PLB1: variants seen among roughly 807,000 people sequenced by gnomAD.
PLB1 encodes phospholipase B1, membrane-associated.
PLB1 carries 242 observed loss-of-function variants against 227.4 expected under a neutral mutation model. The observed-to-expected ratio is 1.06, with a 90% CI of 0.96 to 1.18. PLB1 has a LOEUF of 1.18. Among genes scored for constraint, PLB1 ranks in the 50% most tolerant of loss-of-function variants. The pLI is 0.00. For synonymous variants in PLB1, 757 were observed against 682.2 expected, an observed-to-expected ratio of 1.11 and a Z score of -1.71; for missense variants, 1,858 against 1,816.3, an observed-to-expected ratio of 1.02 and a Z score of -0.42.
intron 43 of PLB1, among the ~76,000 whole-genome samples, chr2:28,607,598 C>G (rs766563120): frequency 1.3e-5 from 2 of 152,108 alleles, no homozygotes; most frequent in Non-Finnish European, 2.9e-5. Context: ...GATTCTGCAA[C>G]AGCTAGTGCA....
chr2:28,605,360 GCAGCTCTATGCA>G (rs1474500912), intron 41 of PLB1, among the ~76,000 whole-genome samples: 1 of 152,116 alleles, frequency 6.6e-6, no homozygotes, highest in Non-Finnish European at 1.5e-5. Context: ...AGGAAGGAGA[GCAGCTCTATGCA>G]CCCCCAGCAC....
chr2:28,536,792 A>G (rs13420957), intron 9 of PLB1, among the ~76,000 whole-genome samples: 79,974 of 151,968 alleles, frequency 0.53, 21,408 homozygotes, highest in East Asian at 0.77. Context: ...AATGTCTTTT[A>G]CTGAGAAATG....
intron 35 of PLB1, among the ~76,000 whole-genome samples, chr2:28,600,271 A>G (rs1683658498): frequency 6.6e-6 from 1 of 152,186 alleles, no homozygotes; most frequent in Non-Finnish European, 1.5e-5. Flanking sequence ...CCTCTTTTTG[A>G]AAGAACCATT....
At chr2:28,592,124 G>T (rs976357145) in intron 31 of PLB1, among the ~76,000 whole-genome samples, 4 of 152,192 alleles carry the variant, frequency 2.6e-5, no homozygotes, top group Non-Finnish European at 5.9e-5. Flanking sequence ...GCCGCCTACA[G>T]TAGGGCCTGG....
rs1553462904 is a variant in PLB1 at position 28,626,462 on chromosome 2, C to T, written c.3614C>T (p.Thr1205Ile). Residue 1205 changes from threonine (T) to isoleucine (I), a missense_variant, in exon 51 of 58, where the codon ACA becomes ATA. Physicochemically the swap from Thr to Ile is moderately conservative, Grantham distance 89. Coordinates refer to ENST00000327757, the MANE Select transcript of PLB1 (RefSeq NM_153021.5). ...INLEKDWKLV[T>I]LFIGVNDLCH... Reference sequence around the variant, plus strand: ...CTGGAGAAAGACTGGAAGCTGGTCACACTCTTCATTGGGGTCAACGACTTG... The same window carrying T: ...CTGGAGAAAGACTGGAAGCTGGTCATACTCTTCATTGGGGTCAACGACTTG... 2 of 1,614,212 alleles carry T rather than the reference C, an allele frequency of 1.2e-6. No individual in the cohort carries two copies. Among genetic ancestry groups the T allele is most frequent in the Non-Finnish European group, 1.7e-6 (2 of 1,180,036 alleles).
At chr2:28,504,754 C>CAAT (rs1667466920) in intron 1 of PLB1, among the ~76,000 whole-genome samples, 1 of 149,200 alleles carries the variant, frequency 6.7e-6, no homozygotes, top group Non-Finnish European at 1.5e-5. Flanking sequence ...AAAAACAAAA[C>CAAT]AACAACAACA....
chr2:28,567,142 G>A (rs967169250), intron 20 of PLB1, among the ~76,000 whole-genome samples: 3 of 152,188 alleles, frequency 2.0e-5, no homozygotes, highest in Admixed American at 6.5e-5. Flanking sequence ...ACCTCTTAGG[G>A]CAAGTCATTA....
chr2:28,577,384 C>T (rs1458131365), intron 21 of PLB1, among the ~76,000 whole-genome samples: 1 of 152,214 alleles, frequency 6.6e-6, no homozygotes, highest in East Asian at 1.9e-4. Context: ...TACTAGACTA[C>T]ATCATCTTAA....
At chr2:28,522,743 CCAT>C (rs1421572300) in intron 4 of PLB1, among the ~76,000 whole-genome samples, 2 of 152,210 alleles carry the variant, frequency 1.3e-5, no homozygotes, top group African/African-American at 4.8e-5. Context: ...GAACACGACT[CCAT>C]CAGGATGACC....
chr2:28,547,551 G>A (rs1256701769), intron 14 of PLB1, among the ~76,000 whole-genome samples: 4 of 152,216 alleles, frequency 2.6e-5, no homozygotes, highest in African/African-American at 9.7e-5. Flanking sequence ...GCTGGGGTAA[G>A]ATACCGCTGA....
Position 28,546,088 on chromosome 2 carries a change from G to A in PLB1, c.937-2772G>A, listed in dbSNP as rs145176942. On this transcript the variant is annotated intron_variant, in intron 14 of 57. Transcript: ENST00000327757. ...CCACCCATCAGCATGGGAGGTGACA[G>A]CAGCCCCATCTAAACATGCCTGGAA... Among the ~76,000 whole-genome samples, 37 of 152,236 alleles carry A rather than the reference G, an allele frequency of 2.4e-4. 1 individual carries two copies. The highest frequency in any genetic ancestry group is 2.3e-3 in the Admixed American group (35 of 15,292).
chr2:28,557,259 A>G (rs548320006), intron 17 of PLB1, among the ~76,000 whole-genome samples: 142 of 152,238 alleles, frequency 9.3e-4, no homozygotes, highest in African/African-American at 3.3e-3. Flanking sequence ...TTAGCCTTTA[A>G]TTCCAGTTAA....
At chr2:28,587,385 G>A (rs1350231239) in intron 26 of PLB1, among the ~76,000 whole-genome samples, 1 of 152,162 alleles carries the variant, frequency 6.6e-6, no homozygotes, top group African/African-American at 2.4e-5. Flanking sequence ...GGAGACCAAG[G>A]CGGGAGGATC....
At position 28,642,880 on chromosome 2, in the gene PLB1, T is replaced by C; in HGVS notation, c.4196T>C (p.Leu1399Pro). The C allele has an allele frequency of 6.2e-7, 1 of 1,604,534 alleles. No homozygotes were observed. The highest frequency in any genetic ancestry group is 8.5e-7 in the Non-Finnish European group (1 of 1,175,274). ...PSPESPYLYTLRNSRLLPDQA... is the reference protein window; with the variant it reads ...PSPESPYLYTPRNSRLLPDQA... ...CAGGAGAGCCCTTACCTCTACACCC[T>C]GCGGAACAGCCGATTGCTCCCAGAC... Residue 1399 changes from leucine to proline, a missense_variant, in exon 58 of 58, where the codon CTG becomes CCG. Physicochemically the swap from Leu to Pro is moderately conservative, Grantham distance 98 (BLOSUM62 -3). Transcript: ENST00000327757.
rs1680772394 is a variant in PLB1, at chr2:28,585,594, T to G, written c.1734-167T>G. The G allele has an allele frequency of 2.3e-5, 14 of 609,766 alleles. No homozygotes were observed. The South Asian group carries it at 2.8e-4, about 12-fold the overall frequency. The allele number at this position is 609,766 out of a possible 1,614,324, so 37.8% of individuals were successfully genotyped here. A position where few individuals can be genotyped will look rare whatever the true frequency, so the allele number is the denominator to read the frequency against. On this transcript the variant is annotated intron_variant, in intron 25 of 57. Transcript: ENST00000327757. The stretch of plus-strand genomic sequence containing the variant: ...GCCTGGCCTGGAAATCTTCTTTAGC[T>G]TCGTTTGGTATGGTCAGCAGGTCAG...
At chr2:28,563,162 G>A (rs1256513067) in intron 18 of PLB1, 63 bp downstream of exon 18, 57 of 1,514,160 alleles carry the variant, frequency 3.8e-5, no homozygotes, top group Non-Finnish European at 4.9e-5. Context: ...TGAGAACCTG[G>A]AGAGGAAAAT....
intron 32 of PLB1, among the ~76,000 whole-genome samples, chr2:28,593,178 TC>T (rs1404762139): frequency 1.3e-5 from 2 of 152,088 alleles, no homozygotes; most frequent in Non-Finnish European, 2.9e-5. Flanking sequence ...TATTTTACTA[TC>T]CCAGATCATC....
chr2:28,499,141 A>C (rs1351873143), intron 1 of PLB1, among the ~76,000 whole-genome samples: 1 of 152,164 alleles, frequency 6.6e-6, no homozygotes, highest in Non-Finnish European at 1.5e-5. Flanking sequence ...AATAAAGTGA[A>C]TTTTGTGTTG....
intron 1 of PLB1, among the ~76,000 whole-genome samples, chr2:28,502,334 T>TCATA (rs1272143355): frequency 2.6e-4 from 39 of 152,160 alleles, no homozygotes; most frequent in Admixed American, 2.6e-3. Flanking sequence ...CCTTTGGGAA[T>TCATA]CATACATACA....
Sources: allele counts gnomAD v4.1 joint callset (sites outside exome capture counted in the v4.1 genomes callset), GRCh38; gene constraint gnomAD v4.1.1; transcripts MANE v1.5; gene names NCBI Gene and HGNC (gene_info 2026-07-23, HGNC 2026-07-21).